The following ASAP2 variants were observed in gnomAD, a reference collection of about 807,000 sequenced individuals.
ASAP2 encodes the protein arf-GAP with SH3 domain, ANK repeat and PH domain-containing protein 2.
ASAP2 carries 45 observed loss-of-function variants against 131.4 expected under a neutral mutation model. That is an observed-to-expected ratio of 0.34 (90% CI 0.27 to 0.44). ASAP2 has a LOEUF of 0.44. Among genes scored for constraint, ASAP2 ranks in the 20% least tolerant of loss-of-function variants. The probability of loss-of-function intolerance (pLI) is 1.00; values close to 1 mark genes in which losing one functional copy is unlikely to be tolerated. For missense variants in ASAP2, 1,011 were observed against 1,297.0 expected (o/e 0.78, Z 3.39); for synonymous variants, 510 against 503.0 (o/e 1.01, Z -0.19).
At chr2:9,285,294 A>G (rs1431332673) in intron 2 of ASAP2, among the ~76,000 whole-genome samples, 1 of 152,146 alleles carries the variant, frequency 6.6e-6, no homozygotes, top group Non-Finnish European at 1.5e-5. Flanking sequence ...TTATTTGCTA[A>G]TTGAAAAAGC....
chr2:9,273,760 G>C (rs938711303), intron 1 of ASAP2, among the ~76,000 whole-genome samples: 2 of 152,230 alleles, frequency 1.3e-5, no homozygotes, highest in African/African-American at 4.8e-5. Context: ...GGTGGTGTCA[G>C]CTGATCCAGT....
At chr2:9,400,179 G>C in intron 25 of ASAP2, 107 bp downstream of exon 25, 1 of 1,019,882 alleles carries the variant, frequency 9.8e-7, no homozygotes, top group Non-Finnish European at 1.4e-6. Flanking sequence ...CCAGCTGTCT[G>C]CCATTCCACA....
At chr2:9,225,286 T>G (rs534405699) in intron 1 of ASAP2, among the ~76,000 whole-genome samples, 1 of 151,716 alleles carries the variant, frequency 6.6e-6, no homozygotes, top group Non-Finnish European at 1.5e-5. Flanking sequence ...ACAGATCTAC[T>G]CTGTCCCAGA....
intron 1 of ASAP2, among the ~76,000 whole-genome samples, chr2:9,274,212 C>T (rs1666597419): frequency 1.3e-5 from 2 of 152,014 alleles, no homozygotes; most frequent in South Asian, 4.1e-4. Flanking sequence ...CAACTTCATC[C>T]TTCCAATTTG....
chr2:9,332,489 A>C (rs904965302), intron 7 of ASAP2, among the ~76,000 whole-genome samples: 3 of 152,164 alleles, frequency 2.0e-5, no homozygotes, highest in Non-Finnish European at 4.4e-5. Flanking sequence ...CTAAATCTAA[A>C]TCCAAATTCA....
At chr2:9,393,388 A>G in intron 23 of ASAP2, 94 bp from the exon 24 acceptor site, 1 of 1,151,752 alleles carries the variant, frequency 8.7e-7, no homozygotes. Flanking sequence ...AGCAATAAAA[A>G]ACTGAAGCCC....
At chr2:9,347,813 C>T (rs1672067307) in intron 11 of ASAP2, among the ~76,000 whole-genome samples, 1 of 152,152 alleles carries the variant, frequency 6.6e-6, no homozygotes, top group Non-Finnish European at 1.5e-5. Flanking sequence ...AAGGAATGTC[C>T]ACTGGCTCTT....
intron 1 of ASAP2, among the ~76,000 whole-genome samples, chr2:9,244,493 C>T (rs1349831046): frequency 6.6e-6 from 1 of 152,110 alleles, no homozygotes; most frequent in Admixed American, 6.5e-5. Context: ...AACAGAGAAC[C>T]CTTGATGAGA....
rs1661146950 is a variant in ASAP2, at chr2:9,206,959, G to T, written c.-146G>T. 6.4e-6 allele frequency: 5 copies of T among 778,618 alleles called. No individual in the cohort carries two copies. The highest frequency in any genetic ancestry group is 7.8e-6 in the Non-Finnish European group (5 of 643,172). The allele number at this position is 778,618 out of a possible 1,614,324, so 48.2% of individuals were successfully genotyped here. On this transcript the variant is annotated 5_prime_UTR_variant, in exon 1 of 28. Transcript: ENST00000281419. This position sits in a 1 kb window ranked among gnomAD's most constrained non-coding sequence, Gnocchi z 4.0. The stretch of plus-strand genomic sequence containing the variant: ...CCCCTGCTCCGCCGCCAGGCCCCGC[G>T]CGGCTCCCGCGCCCGGCGCTCCCCT...
At chr2:9,330,870 C>T (rs1396215813) in intron 7 of ASAP2, among the ~76,000 whole-genome samples, 2 of 152,182 alleles carry the variant, frequency 1.3e-5, no homozygotes, top group African/African-American at 2.4e-5. Flanking sequence ...ATCCCAGTAA[C>T]CTTTAAAAAT....
intron 1 of ASAP2, among the ~76,000 whole-genome samples, chr2:9,248,688 T>C (rs1664502868): frequency 6.6e-6 from 1 of 152,184 alleles, no homozygotes; most frequent in African/African-American, 2.4e-5. Flanking sequence ...TACTGTTTAC[T>C]CTGCTTGTAA....
Position 9,213,661 on chromosome 2 carries a change from AGAG to A in ASAP2, c.126+6433_126+6435del, listed in dbSNP as rs1231540365. Among the ~76,000 whole-genome samples the A allele has an allele frequency of 5.3e-5, 8 of 152,234 alleles. No individual in the cohort carries two copies. In the East Asian group the frequency reaches 1.5e-3, roughly 29 times the overall value. ...CCTGATTGAGGTCCATTGTACAAGAAGAGGGGTCCAAACCTACTGATGGATTGT... is the reference window on the plus strand; with the variant it reads ...CCTGATTGAGGTCCATTGTACAAGAAGGGTCCAAACCTACTGATGGATTGT... On this transcript the variant is annotated intron_variant, in intron 1 of 27. Transcript: ENST00000281419.
intron 1 of ASAP2, among the ~76,000 whole-genome samples, chr2:9,274,172 A>C (rs1159047104): frequency 6.6e-6 from 1 of 152,186 alleles, no homozygotes; most frequent in African/African-American, 2.4e-5. Context: ...TCCAAATATA[A>C]GATCACATCA....
intron 1 of ASAP2, among the ~76,000 whole-genome samples, chr2:9,267,897 CAAA>C (rs34716225): frequency 1.5e-5 from 1 of 65,000 alleles, no homozygotes; most frequent in Non-Finnish European, 2.7e-5. Flanking sequence ...GACTCTATCT[CAAA>C]AAAAAAAAAA....
chr2:9,317,566 TCA>T (rs775407113), intron 3 of ASAP2, among the ~76,000 whole-genome samples: 3 of 127,306 alleles, frequency 2.4e-5, no homozygotes, highest in Non-Finnish European at 5.1e-5. Context: ...AATCACACTC[TCA>T]CACACCCACA....
chr2:9,216,360 C>T (rs1662036186), intron 1 of ASAP2, among the ~76,000 whole-genome samples: 2 of 149,802 alleles, frequency 1.3e-5, no homozygotes, highest in African/African-American at 2.5e-5. Context: ...GATCTTGGCT[C>T]ACCACAGCCT....
At chr2:9,278,542 G>C (rs1253483207) in intron 1 of ASAP2, among the ~76,000 whole-genome samples, 1 of 151,398 alleles carries the variant, frequency 6.6e-6, no homozygotes, top group Non-Finnish European at 1.5e-5. Flanking sequence ...AAAGAACAAA[G>C]GACTTTTTAC....
At chr2:9,246,349 C>T (rs1469318245) in intron 1 of ASAP2, among the ~76,000 whole-genome samples, 1 of 152,168 alleles carries the variant, frequency 6.6e-6, no homozygotes, top group Non-Finnish European at 1.5e-5. Flanking sequence ...GACTGGAGTG[C>T]AGATCATGGC....
intron 1 of ASAP2, among the ~76,000 whole-genome samples, chr2:9,220,531 A>C (rs1034850198): frequency 6.6e-6 from 1 of 152,304 alleles, no homozygotes; most frequent in South Asian, 2.1e-4. Flanking sequence ...AGAACTATCT[A>C]TTCAAATCCT....
Sources: gnomAD v4.1 joint callset for allele counts (sites outside exome capture counted in the v4.1 genomes callset) on GRCh38, gnomAD v4.1.1 for gene constraint, Gnocchi (gnomAD v3.1) non-coding constraint, MANE v1.5 for transcripts, NCBI Gene and HGNC (gene_info 2026-07-23, HGNC 2026-07-21) for gene names.